MARK3: variants seen among roughly 807,000 people sequenced by gnomAD.
MARK3 encodes the protein MAP/microtubule affinity-regulating kinase 3.
MARK3 carries 46 observed loss-of-function variants against 90.1 expected under a neutral mutation model. The observed-to-expected ratio is 0.51, with a 90% confidence interval of 0.40 to 0.65. The LOEUF (loss-of-function observed/expected upper bound fraction) is 0.65, where lower values mean the gene tolerates loss of function less well. Among genes scored for constraint, MARK3 ranks in the 30% least tolerant of loss-of-function variants. The pLI is 0.00. For synonymous variants in MARK3, 321 were observed against 332.6 expected (o/e 0.97, Z 0.38); for missense variants, 818 against 947.2 (o/e 0.86, Z 1.79).
rs1375108349 is a variant in MARK3, at chr14:103,503,770, TTG to T, written c.*551_*552del. 1.3e-5 allele frequency: 2 copies of T among 153,258 alleles called. No homozygotes were observed. Among genetic ancestry groups the T allele is most frequent in the Non-Finnish European group, 2.9e-5 (2 of 68,506 alleles). 9.5% of individuals were successfully genotyped at this position (153,258 alleles called of 1,614,324 possible). A position where few individuals can be genotyped will look rare whatever the true frequency, so the allele number is the denominator to read the frequency against. On this transcript the variant is annotated 3_prime_UTR_variant, in exon 18 of 18. Transcript: ENST00000429436. ...TTAAATTTATAGTTGTGAACATTGC[TTG>T]TGTGTGTTTTTCTAAGTAGATTCAC...
At chr14:103,433,192 A>G (rs2092634496) in intron 3 of MARK3, among the ~76,000 whole-genome samples, 1 of 149,852 alleles carries the variant, frequency 6.7e-6, no homozygotes, top group Admixed American at 6.7e-5. Context: ...TTCAAGAGAT[A>G]CTTCTGCCTC....
At chr14:103,430,377 T>A (rs2092545985) in intron 3 of MARK3, among the ~76,000 whole-genome samples, 1 of 132,248 alleles carries the variant, frequency 7.6e-6, no homozygotes, top group Non-Finnish European at 1.6e-5. Flanking sequence ...CCCCCCATCT[T>A]CCCCCACCCC....
intron 15 of MARK3, among the ~76,000 whole-genome samples, chr14:103,495,210 C>G (rs1053154425): frequency 1.3e-5 from 2 of 152,162 alleles, no homozygotes; most frequent in Non-Finnish European, 2.9e-5. Flanking sequence ...GTGGCTTACG[C>G]CTGTAATCCC....
chr14:103,487,328 A>AT (rs79278454), intron 14 of MARK3, among the ~76,000 whole-genome samples: 95 of 149,636 alleles, frequency 6.3e-4, no homozygotes, highest in African/African-American at 9.1e-4. Context: ...TCTCTACAAA[A>AT]TTTTTTTTTT....
intron 6 of MARK3, among the ~76,000 whole-genome samples, chr14:103,459,205 G>A (rs978596831): frequency 5.9e-5 from 9 of 152,156 alleles, no homozygotes; most frequent in Admixed American, 3.3e-4. Flanking sequence ...TATTGACTAT[G>A]AGGAAGGGGC....
intron 14 of MARK3, chr14:103,491,420 C>A: frequency 4.5e-6 from 1 of 224,310 alleles, no homozygotes; most frequent in East Asian, 1.2e-4. Flanking sequence ...GTTACGCCAG[C>A]ATATCCTTTA....
At chr14:103,458,541 C>CA (rs1472133601) in intron 6 of MARK3, among the ~76,000 whole-genome samples, 1 of 141,828 alleles carries the variant, frequency 7.1e-6, no homozygotes, top group African/African-American at 2.5e-5. Flanking sequence ...ACTTTATTTA[C>CA]AAAAACAGGG....
At chr14:103,459,673 A>ATTTTTTTT (rs67953960) in intron 6 of MARK3, among the ~76,000 whole-genome samples, 1 of 147,636 alleles carries the variant, frequency 6.8e-6, no homozygotes, top group Non-Finnish European at 1.5e-5. Flanking sequence ...CTAATTTTTT[A>ATTTTTTTT]TTTTTTTTTT....
rs145646557 is a variant in MARK3, at chr14:103,447,271, C to T, written c.298-1648C>T. Among the ~76,000 whole-genome samples the T allele has an allele frequency of 1.5e-3, 227 of 152,216 alleles. 2 individuals are homozygous for T. In the East Asian group the frequency reaches 0.02, roughly 14 times the overall value. On this transcript the variant is annotated intron_variant, in intron 3 of 17. Coordinates refer to ENST00000429436, the MANE Select transcript of MARK3 (RefSeq NM_001128918.3). The stretch of plus-strand genomic sequence containing the variant: ...CTATGATCACACCACTGCACTTCAA[C>T]CTGGGCAGCAGAGCGAGACCCTGTC...
intron 3 of MARK3, among the ~76,000 whole-genome samples, chr14:103,438,494 T>A (rs1224581981): frequency 6.6e-6 from 1 of 152,226 alleles, no homozygotes; most frequent in Non-Finnish European, 1.5e-5. Context: ...ATGGGAAGGA[T>A]AACAAAGGAA....
Position 103,385,930 on chromosome 14 carries a change from T to C in MARK3, c.-100T>C. ...GGAGCCGCCCTCCCCACGGCGCCTT[T>C]TCGGAACTGCCGTGGACTCGAGGAC... On this transcript the variant is annotated 5_prime_UTR_variant, in exon 1 of 18. Coordinates refer to ENST00000429436, the MANE Select transcript of MARK3 (RefSeq NM_001128918.3). 1.0e-6 allele frequency: 1 copy of C among 987,720 alleles called. No individual in the cohort carries two copies. Among genetic ancestry groups the C allele is most frequent in the Middle Eastern group, 2.3e-4 (1 of 4,386 alleles). The allele number at this position is 987,720 out of a possible 1,614,324, so 61.2% of individuals were successfully genotyped here.
At position 103,475,093 on chromosome 14, in the gene MARK3, A is replaced by C; in HGVS notation, c.1365A>C (p.Ser455=). ...LKEDGISSRK[S]SGSAVGGKGI... ...AAGATGGAATTTCCTCCCGGAAATC[A>C]AGTGGCAGTGCTGTTGGAGGAAAGG... Residue 455 remains serine (S), a synonymous_variant, in exon 13 of 18, where the codon TCA becomes TCC. Coordinates refer to ENST00000429436, the MANE Select transcript of MARK3 (RefSeq NM_001128918.3). 6.2e-7 allele frequency: 1 copy of C among 1,614,220 alleles called. No homozygotes were observed. Among genetic ancestry groups the C allele is most frequent in the Non-Finnish European group, 8.5e-7 (1 of 1,180,014 alleles).
chr14:103,491,669 A>T, intron 14 of MARK3, 108 bp from the exon 15 acceptor site: 1 of 1,232,822 alleles, frequency 8.1e-7, no homozygotes, highest in Non-Finnish European at 1.1e-6. Flanking sequence ...TACCCCTTGG[A>T]TCTGGATTTT....
rs181408208 is a variant in MARK3, at chr14:103,398,797, C to A, written c.52-6279C>A. 6.8e-4 allele frequency among the ~76,000 whole-genome samples: 104 copies of A among 152,246 alleles called. 1 individual carries two copies. The highest frequency in any genetic ancestry group is 2.4e-3 in the African/African-American group (99 of 41,530). ...GTGAATATTTCTAAAGTACAAAATA[C>A]TTGGAGGACAGCCATTTATTGTCAC... On this transcript the variant is annotated intron_variant, in intron 1 of 17. Transcript: ENST00000429436.
At chr14:103,402,153 C>T (rs1482060214) in intron 1 of MARK3, among the ~76,000 whole-genome samples, 1 of 152,154 alleles carries the variant, frequency 6.6e-6, no homozygotes, top group Non-Finnish European at 1.5e-5. Context: ...AAAGCCTGTC[C>T]TTGTGAAGGT....
At chr14:103,466,320 A>T in intron 9 of MARK3, 23 bp from the exon 10 acceptor site, 1 of 1,528,060 alleles carries the variant, frequency 6.5e-7, no homozygotes, top group East Asian at 2.3e-5. Context: ...TTACTCTGCT[A>T]ATGAACAGTT....
chr14:103,459,968 C>G (rs1422771373), intron 6 of MARK3, among the ~76,000 whole-genome samples: 1 of 150,808 alleles, frequency 6.6e-6, no homozygotes, highest in Non-Finnish European at 1.5e-5. Flanking sequence ...GGGTTTTCCC[C>G]TTCTGCTTCC....
At chr14:103,500,276 G>T in intron 17 of MARK3, 76 bp downstream of exon 17, 1 of 1,094,222 alleles carries the variant, frequency 9.1e-7, no homozygotes, top group Non-Finnish European at 1.3e-6. Context: ...ACTATTTTCT[G>T]AATGTTCCCT....
Position 103,426,780 on chromosome 14 carries a change from G to A in MARK3, c.244-1607G>A, listed in dbSNP as rs376239830. 5.3e-5 allele frequency among the ~76,000 whole-genome samples: 8 copies of A among 152,126 alleles called. No homozygotes were observed. In the East Asian group the frequency reaches 1.4e-3, roughly 26 times the overall value. On this transcript the variant is annotated intron_variant, in intron 2 of 17. Transcript: ENST00000429436. ...GCATACTCACCCTTTCTGAACAAAG[G>A]CTGCTAGGTGACCCTGCTGTTGCCG...
Sources: allele counts gnomAD v4.1 joint callset (sites outside exome capture counted in the v4.1 genomes callset), GRCh38; gene constraint gnomAD v4.1.1; transcripts MANE v1.5; gene names NCBI Gene and HGNC (gene_info 2026-07-23, HGNC 2026-07-21).